Variants in IRX1 observed in about 807,000 individuals in gnomAD.
IRX1 encodes iroquois homeobox 1, also known as iroquois-class homeodomain protein IRX-1.
A neutral mutation model predicts 34.1 loss-of-function variants in IRX1; 22 were observed. That is an observed-to-expected ratio of 0.64 (90% CI 0.46 to 0.92). IRX1 has a LOEUF of 0.92. IRX1 is among the 40% of genes least tolerant of loss of function. IRX1 has a pLI of 0.00. For synonymous variants in IRX1, 363 were observed against 319.0 expected, an observed-to-expected ratio of 1.14 and a Z score of -1.47; for missense variants, 758 against 680.0, an observed-to-expected ratio of 1.11 and a Z score of -1.28.
intron 1 of IRX1, among the ~76,000 whole-genome samples, chr5:3,597,426 C>T (rs1733815986): frequency 6.6e-6 from 1 of 152,234 alleles, no homozygotes; most frequent in African/African-American, 2.4e-5. Context: ...TCCCCGCTCC[C>T]CGCAGGAGAA....
intron 1 of IRX1, among the ~76,000 whole-genome samples, chr5:3,598,366 G>A (rs775998527): frequency 5.9e-5 from 9 of 152,206 alleles, no homozygotes; most frequent in Non-Finnish European, 1.0e-4. Context: ...CCTGCAAACA[G>A]CTAGTGTTTG....
chr5:3,596,430 G>T, intron 1 of IRX1, 49 bp downstream of exon 1: 2 of 1,401,878 alleles, frequency 1.4e-6, no homozygotes, highest in South Asian at 1.6e-5. Flanking sequence ...ACCCGCGCCA[G>T]GGCAAGGGTG....
In IRX1 at chr5:3,601,262, T is replaced by G; in HGVS notation, c.*222T>G. Reference sequence around the variant, plus strand: ...TGCCGGCGGCTCCAGTGGCTGCGATTATCGGGTTCGGTAAATGCCCCCACG... The same window carrying G: ...TGCCGGCGGCTCCAGTGGCTGCGATGATCGGGTTCGGTAAATGCCCCCACG... On this transcript the variant is annotated 3_prime_UTR_variant, in exon 4 of 4. Coordinates refer to ENST00000302006, the MANE Select transcript of IRX1 (RefSeq NM_024337.4). The G allele has an allele frequency of 5.1e-6, 3 of 587,526 alleles. No individual in the cohort carries two copies. The highest frequency in any genetic ancestry group is 9.1e-6 in the Non-Finnish European group (3 of 328,570). The allele number at this position is 587,526 out of a possible 1,614,324, so 36.4% of individuals were successfully genotyped here. A position where few individuals can be genotyped will look rare whatever the true frequency, so the allele number is the denominator to read the frequency against.
Position 3,599,699 on chromosome 5 carries a change from G to C in IRX1, c.751G>C (p.Ala251Pro), listed in dbSNP as rs757759260. The C allele has an allele frequency of 3.1e-6, 5 of 1,613,104 alleles. No individual in the cohort carries two copies. The South Asian group carries it at 5.5e-5, about 18-fold the overall frequency. ...CGAGGATGACGAGGACAAGGCCGAGGCTCCGCACGCGCCCGCAGCCCCTTC... is the reference window on the plus strand; with the variant it reads ...CGAGGATGACGAGGACAAGGCCGAGCCTCCGCACGCGCCCGCAGCCCCTTC... ...SNEDDEDKAE[A>P]PHAPAAPSAL... The change falls in exon 2 of 4, where the codon GCT (alanine) becomes CCT (proline). Residue 251 changes from alanine (A) to proline (P), a missense_variant. Physicochemically the swap from Ala to Pro is conservative, Grantham distance 27. Around this residue, in one of 3 missense-constraint regions of IRX1, gnomAD observed 529 missense variants for 418.8 expected, o/e 1.26. Transcript: ENST00000302006. The surrounding 1 kb of genome is among the most constrained non-coding windows in gnomAD (Gnocchi z 6.6).
At chr5:3,600,565 G>C in intron 2 of IRX1, 44 bp from the exon 3 acceptor site, 1 of 1,555,866 alleles carries the variant, frequency 6.4e-7, no homozygotes, top group African/African-American at 1.4e-5. Context: ...GACCTCTCCC[G>C]CCCGTCTCTC....
Position 3,599,330 on chromosome 5 carries a change from C to A in IRX1, c.382C>A (p.Pro128Thr), listed in dbSNP as rs1733887132. 6.2e-7 allele frequency: 1 copy of A among 1,613,980 alleles called. No individual in the cohort carries two copies. Residue 128 changes from proline to threonine, a missense_variant, in exon 2 of 4, where the codon CCC (proline) becomes ACC (threonine). Physicochemically the swap from Pro to Thr is conservative, Grantham distance 38 (BLOSUM62 -1). Transcript: ENST00000302006. This position sits in a 1 kb window ranked among gnomAD's most constrained non-coding sequence, Gnocchi z 6.6. ...YPYGQFQYGD[P>T]GRPKNATRES... The stretch of plus-strand genomic sequence containing the variant: ...CTACGGCCAGTTCCAATACGGGGAC[C>A]CCGGGCGGCCCAAGAACGCCACCCG...
intron 1 of IRX1, among the ~76,000 whole-genome samples, chr5:3,598,976 C>T (rs1733868559): frequency 6.6e-6 from 1 of 152,148 alleles, no homozygotes; most frequent in African/African-American, 2.4e-5. Flanking sequence ...TCTCCACTGT[C>T]GGTGAAAGGG....
Position 3,599,958 on chromosome 5 carries a change from C to G in IRX1, c.1010C>G (p.Pro337Arg). ...DGAPKASPPP[P>R]AGHPGAHGPS... The stretch of plus-strand genomic sequence containing the variant: ...GCGCCCAAGGCTTCGCCACCACCAC[C>G]CGCGGGCCACCCCGGCGCGCACGGG... The change falls in exon 2 of 4, where the codon CCC becomes CGC. Residue 337 changes from proline (P) to arginine (R), a missense_variant. Physicochemically the swap from Pro to Arg is moderately radical, Grantham distance 103 (BLOSUM62 -2). Around this residue, in one of 3 missense-constraint regions of IRX1, gnomAD observed 529 missense variants for 418.8 expected, o/e 1.26. Coordinates refer to ENST00000302006, the MANE Select transcript of IRX1 (RefSeq NM_024337.4). The surrounding 1 kb of genome is among the most constrained non-coding windows in gnomAD (Gnocchi z 6.6). 6.6e-7 allele frequency: 1 copy of G among 1,504,456 alleles called. No individual in the cohort carries two copies. Among genetic ancestry groups the G allele is most frequent in the Non-Finnish European group, 8.9e-7 (1 of 1,123,206 alleles). 93.2% of individuals were successfully genotyped at this position (1,504,456 alleles called of 1,614,324 possible).
rs763435986 is a variant in IRX1 at position 3,599,845 on chromosome 5, C to T, written c.897C>T (p.Pro299=). 1.3e-6 allele frequency: 2 copies of T among 1,543,002 alleles called. No individual in the cohort carries two copies. Among genetic ancestry groups the T allele is most frequent in the Non-Finnish European group, 1.7e-6 (2 of 1,147,102 alleles). Residue 299 remains proline, a synonymous_variant, in exon 2 of 4, where the codon CCC becomes CCT. Transcript: ENST00000302006. This position sits in a 1 kb window ranked among gnomAD's most constrained non-coding sequence, Gnocchi z 6.6. ...PEPGSTRLLS[P]GAAAGGLQGA... Reference sequence around the variant, plus strand: ...CGGGCAGCACGCGCCTGCTGAGCCCCGGCGCTGCAGCGGGCGGCCTGCAGG... The same window carrying T: ...CGGGCAGCACGCGCCTGCTGAGCCCTGGCGCTGCAGCGGGCGGCCTGCAGG...
rs1743700649 is a variant in IRX1, at chr5:3,596,503, C to G, written c.276+122C>G. 4.6e-5 allele frequency: 48 copies of G among 1,050,508 alleles called. No homozygotes were observed. The South Asian group carries it at 1.5e-3, about 32-fold the overall frequency. The allele number at this position is 1,050,508 out of a possible 1,614,324, so 65.1% of individuals were successfully genotyped here. A position where few individuals can be genotyped will look rare whatever the true frequency, so the allele number is the denominator to read the frequency against. On this transcript the variant is annotated intron_variant, in intron 1 of 3. Coordinates refer to ENST00000302006, the MANE Select transcript of IRX1 (RefSeq NM_024337.4). ...GGTCCGGAAGAGGAACTAGAAAGGT[C>G]CGGGGGCAGGTTCCCGGTGGCCGAG...
Position 3,599,198 on chromosome 5 carries a change from C to T in IRX1, c.277-27C>T, listed in dbSNP as rs766297026. ...TCTCTCCACTTCCCTCCTCTCTCTC[C>T]TCGATGGATCTGCCCTGTGGCTTCA... On this transcript the variant is annotated intron_variant, in intron 1 of 3. Coordinates refer to ENST00000302006, the MANE Select transcript of IRX1 (RefSeq NM_024337.4). This position sits in a 1 kb window ranked among gnomAD's most constrained non-coding sequence, Gnocchi z 6.6. The T allele has an allele frequency of 6.3e-7, 1 of 1,594,540 alleles. No individual in the cohort carries two copies. The highest frequency in any genetic ancestry group is 2.2e-5 in the East Asian group (1 of 44,514).
intron 2 of IRX1, 52 bp from the exon 3 acceptor site, chr5:3,600,557 C>G (rs1432802795): frequency 6.6e-7 from 1 of 1,513,736 alleles, no homozygotes. Context: ...AGGCCTGGGA[C>G]CTCTCCCGCC....
At position 3,599,371 on chromosome 5, in the gene IRX1, G is replaced by T. The variant is rs774834953; in HGVS notation, c.423G>T (p.Thr141=). The stretch of plus-strand genomic sequence containing the variant: ...ACGCCACCCGCGAGAGCACCAGCAC[G>T]CTCAAGGCCTGGCTCAACGAGCACC... ...PKNATRESTS[T]LKAWLNEHRK... is the part of the protein sequence containing the mutation. The change falls in exon 2 of 4, where the codon ACG becomes ACT. Residue 141 remains threonine (T), a synonymous_variant. Coordinates refer to ENST00000302006, the MANE Select transcript of IRX1 (RefSeq NM_024337.4). The surrounding 1 kb of genome is among the most constrained non-coding windows in gnomAD (Gnocchi z 6.6). The T allele has an allele frequency of 7.4e-6, 12 of 1,613,994 alleles. No homozygotes were observed. Among genetic ancestry groups the T allele is most frequent in the South Asian group, 3.3e-5 (3 of 91,084 alleles).
chr5:3,598,900 C>G (rs1381048523), intron 1 of IRX1, among the ~76,000 whole-genome samples: 1 of 152,142 alleles, frequency 6.6e-6, no homozygotes, highest in Admixed American at 6.5e-5. Context: ...GCAGGGGCCG[C>G]GGCCTCTGTT....
At position 3,599,522 on chromosome 5, in the gene IRX1, A is replaced by C. The variant is rs764067065; in HGVS notation, c.574A>C (p.Thr192Pro). ...RRRLKKENKV[T>P]WGARSKDQED... is the part of the protein sequence containing the mutation. Reference sequence around the variant, plus strand: ...GCGCCTCAAGAAGGAGAACAAGGTGACATGGGGAGCGCGCAGCAAGGACCA... The same window carrying C: ...GCGCCTCAAGAAGGAGAACAAGGTGCCATGGGGAGCGCGCAGCAAGGACCA... The change falls in exon 2 of 4, where the codon ACA becomes CCA. Residue 192 changes from threonine to proline, a missense_variant. Thr to Pro is a conservative substitution (Grantham distance 38). Around this residue, in one of 3 missense-constraint regions of IRX1, gnomAD observed 529 missense variants for 418.8 expected, o/e 1.26. Transcript: ENST00000302006. This position sits in a 1 kb window ranked among gnomAD's most constrained non-coding sequence, Gnocchi z 6.6. 1 of 1,614,202 alleles carries C rather than the reference A, an allele frequency of 6.2e-7. No homozygotes were observed. Among genetic ancestry groups the C allele is most frequent in the Admixed American group, 1.7e-5 (1 of 60,032 alleles).
At position 3,599,370 on chromosome 5, in the gene IRX1, C is replaced by T. The variant is rs1423755593; in HGVS notation, c.422C>T (p.Thr141Met). Reference protein sequence around the residue: ...PKNATRESTSTLKAWLNEHRK... With the variant: ...PKNATRESTSMLKAWLNEHRK... ...AACGCCACCCGCGAGAGCACCAGCA[C>T]GCTCAAGGCCTGGCTCAACGAGCAC... The change falls in exon 2 of 4, where the codon ACG becomes ATG. Residue 141 changes from threonine (T) to methionine (M), a missense_variant. Physicochemically the swap from Thr to Met is moderately conservative, Grantham distance 81 (BLOSUM62 -1). This residue lies in a region of IRX1 where 195 missense variants were observed against 195.0 expected (regional missense o/e 1.00). Coordinates refer to ENST00000302006, the MANE Select transcript of IRX1 (RefSeq NM_024337.4). This position sits in a 1 kb window ranked among gnomAD's most constrained non-coding sequence, Gnocchi z 6.6. 2 of 1,614,124 alleles carry T rather than the reference C, an allele frequency of 1.2e-6. No homozygotes were observed. The highest frequency in any genetic ancestry group is 2.2e-5 in the East Asian group (1 of 44,842).
rs1733872580 is a variant in IRX1, at chr5:3,599,149, T to C, written c.277-76T>C. 2 of 1,414,900 alleles carry C rather than the reference T, an allele frequency of 1.4e-6. No homozygotes were observed. Among genetic ancestry groups the C allele is most frequent in the Admixed American group, 2.1e-5 (1 of 46,586 alleles). The allele number at this position is 1,414,900 out of a possible 1,614,324, so 87.6% of individuals were successfully genotyped here. A position where few individuals can be genotyped will look rare whatever the true frequency, so the allele number is the denominator to read the frequency against. ...CCCACTCTCCCGTCTTGGGGACTCA[T>C]GTCTCTCTCTCTCTCTCCCTTTCTC... On this transcript the variant is annotated intron_variant, in intron 1 of 3. Coordinates refer to ENST00000302006, the MANE Select transcript of IRX1 (RefSeq NM_024337.4). The surrounding 1 kb of genome is among the most constrained non-coding windows in gnomAD (Gnocchi z 6.6).
chr5:3,598,741 G>A (rs929415867), intron 1 of IRX1, among the ~76,000 whole-genome samples: 2 of 152,212 alleles, frequency 1.3e-5, no homozygotes, highest in Non-Finnish European at 2.9e-5. Flanking sequence ...TGGCAGAGAG[G>A]AGGCTTGGGC....
Position 3,595,973 on chromosome 5 carries a change from A to T in IRX1, c.-133A>T. 2 of 426,034 alleles carry T rather than the reference A, an allele frequency of 4.7e-6. No individual in the cohort carries two copies. The highest frequency in any genetic ancestry group is 6.3e-6 in the Non-Finnish European group (2 of 317,404). 26.4% of individuals were successfully genotyped at this position (426,034 alleles called of 1,614,324 possible). On this transcript the variant is annotated 5_prime_UTR_variant, in exon 1 of 4. Coordinates refer to ENST00000302006, the MANE Select transcript of IRX1 (RefSeq NM_024337.4). ...CGGCCTCCATCTCCCGGCCCGCCCGAGCGCGCCCGGCCGGCCGCCCGCTCC... is the reference window on the plus strand; with the variant it reads ...CGGCCTCCATCTCCCGGCCCGCCCGTGCGCGCCCGGCCGGCCGCCCGCTCC...
Sources: allele counts gnomAD v4.1 joint callset (sites outside exome capture counted in the v4.1 genomes callset), GRCh38; gene constraint gnomAD v4.1.1; regional missense constraint gnomAD v4.1.1; non-coding constraint Gnocchi (gnomAD v3.1); transcripts MANE v1.5; gene names NCBI Gene and HGNC (gene_info 2026-07-23, HGNC 2026-07-21).